The following PHACTR4 variants were observed in gnomAD, a reference collection of about 807,000 sequenced individuals.
PHACTR4 encodes protein phosphatase 1, regulatory subunit 124.
A neutral mutation model predicts 72.7 loss-of-function variants in PHACTR4; 51 were observed. The observed-to-expected ratio is 0.70, with a 90% CI of 0.56 to 0.89. PHACTR4 has a LOEUF of 0.89. PHACTR4 is among the 40% of genes least tolerant of loss of function. The probability of loss-of-function intolerance (pLI) is 0.00; values close to 1 mark genes in which losing one functional copy is unlikely to be tolerated. For synonymous variants in PHACTR4, 255 were observed against 302.5 expected (o/e 0.84, Z 1.63); for missense variants, 731 against 861.8 (o/e 0.85, Z 1.90).
chr1:28,398,905 T>C (rs79647690), intron 1 of PHACTR4, among the ~76,000 whole-genome samples: 1 of 152,302 alleles, frequency 6.6e-6, no homozygotes, highest in Non-Finnish European at 1.5e-5. Flanking sequence ...ATCTCAAATA[T>C]GTATGTTTTG....
intron 9 of PHACTR4, among the ~76,000 whole-genome samples, chr1:28,486,217 GTGGTAGCACA>G (rs1328911373): frequency 6.6e-6 from 1 of 151,962 alleles, no homozygotes; most frequent in East Asian, 1.9e-4. Flanking sequence ...TTAGCTGGGC[GTGGTAGCACA>G]TGCCTGTAAT....
chr1:28,489,345 G>T, intron 10 of PHACTR4, 120 bp downstream of exon 10: 1 of 758,946 alleles, frequency 1.3e-6, no homozygotes, highest in Non-Finnish European at 2.1e-6. Flanking sequence ...TTCCAGCCAG[G>T]CAAGGACTAT....
chr1:28,402,706 TTCTG>T (rs1654030131), intron 1 of PHACTR4, among the ~76,000 whole-genome samples: 1 of 152,164 alleles, frequency 6.6e-6, no homozygotes, highest in African/African-American at 2.4e-5. Flanking sequence ...ATAGGAATAT[TTCTG>T]TCTTGCACAG....
At chr1:28,378,913 A>G (rs931946872) in intron 1 of PHACTR4, among the ~76,000 whole-genome samples, 1 of 152,182 alleles carries the variant, frequency 6.6e-6, no homozygotes. Context: ...GTTATTACCC[A>G]GGCACTGATC....
At chr1:28,453,853 G>A (rs997053252) in intron 2 of PHACTR4, 3 of 881,562 alleles carry the variant, frequency 3.4e-6, no homozygotes, top group Non-Finnish European at 3.7e-6. Context: ...TGTGGACAAA[G>A]CATAAAAGTT....
rs1034052646 is a variant in PHACTR4, at chr1:28,372,546, T to C, written c.-39+2721T>C. On this transcript the variant is annotated intron_variant, in intron 1 of 13. Transcript: ENST00000373839. ...ATAGTTTGAAGAAGCAACCACAGAA[T>C]TGCTCTAGTTTTAATAATAAACTGG... Among the ~76,000 whole-genome samples, 87 of 152,156 alleles carry C rather than the reference T, an allele frequency of 5.7e-4. 2 individuals are homozygous for C. Among genetic ancestry groups the C allele is most frequent in the Non-Finnish European group, 1.1e-3 (78 of 68,002 alleles).
At chr1:28,473,275 CAA>C (rs759485996) in intron 6 of PHACTR4, among the ~76,000 whole-genome samples, 70 of 82,254 alleles carry the variant, frequency 8.5e-4, no homozygotes, top group African/African-American at 7.5e-4. Flanking sequence ...GACCCTGTCT[CAA>C]AAAAAAAAAA....
intron 2 of PHACTR4, among the ~76,000 whole-genome samples, chr1:28,422,935 T>C (rs1033253292): frequency 3.3e-5 from 5 of 152,166 alleles, no homozygotes; most frequent in Admixed American, 1.3e-4. Context: ...TACCGGCGCA[T>C]GCCACTGCGC....
At position 28,434,849 on chromosome 1, in the gene PHACTR4, C is replaced by T. The variant is rs148016070; in HGVS notation, c.17-24236C>T. ...GCCTGGCCTTTTACATTTGGCAGGTCGTTTTTATTTTGGCATTTAAATTTG... is the reference window on the plus strand; with the variant it reads ...GCCTGGCCTTTTACATTTGGCAGGTTGTTTTTATTTTGGCATTTAAATTTG... On this transcript the variant is annotated intron_variant, in intron 2 of 13. Coordinates refer to ENST00000373839, the MANE Select transcript of PHACTR4 (RefSeq NM_001048183.3). 2.4e-4 allele frequency among the ~76,000 whole-genome samples: 37 copies of T among 152,180 alleles called. No individual in the cohort carries two copies. In the East Asian group the frequency reaches 4.6e-3, roughly 19 times the overall value.
chr1:28,432,576 C>T (rs1340202154), intron 2 of PHACTR4, among the ~76,000 whole-genome samples: 5 of 151,232 alleles, frequency 3.3e-5, no homozygotes, highest in Non-Finnish European at 7.4e-5. Context: ...GCCAGGAGTT[C>T]CAGTGAGCTA....
At chr1:28,403,522 T>C (rs1456591381) in intron 1 of PHACTR4, among the ~76,000 whole-genome samples, 1 of 152,176 alleles carries the variant, frequency 6.6e-6, no homozygotes, top group Admixed American at 6.6e-5. Context: ...TACCACAGTA[T>C]ACCCTTGTGT....
chr1:28,410,409 G>A (rs1229852891), intron 2 of PHACTR4, among the ~76,000 whole-genome samples: 1 of 152,138 alleles, frequency 6.6e-6, no homozygotes, highest in African/African-American at 2.4e-5. Flanking sequence ...AACTCCGTAG[G>A]TTTGTACTGG....
chr1:28,399,970 A>C (rs1653819093), intron 1 of PHACTR4, among the ~76,000 whole-genome samples: 1 of 152,234 alleles, frequency 6.6e-6, no homozygotes. Flanking sequence ...TGTTACAGAA[A>C]CAATAGTAAG....
intron 10 of PHACTR4, among the ~76,000 whole-genome samples, chr1:28,490,541 A>AC (rs1660966479): frequency 6.6e-6 from 1 of 151,794 alleles, no homozygotes; most frequent in South Asian, 2.1e-4. Flanking sequence ...CAAAAAAAAA[A>AC]AAGAAAAAAA....
At chr1:28,484,559 A>G (rs1224493699) in intron 9 of PHACTR4, among the ~76,000 whole-genome samples, 1 of 151,096 alleles carries the variant, frequency 6.6e-6, no homozygotes, top group Non-Finnish European at 1.5e-5. Context: ...TGTGTATGTA[A>G]TATATATGTG....
At chr1:28,401,042 G>T (rs560352388) in intron 1 of PHACTR4, among the ~76,000 whole-genome samples, 38 of 152,226 alleles carry the variant, frequency 2.5e-4, no homozygotes, top group Admixed American at 1.6e-3. Flanking sequence ...TGAGCCAACT[G>T]TTCAGAACTC....
chr1:28,443,784 A>G (rs1657224237), intron 2 of PHACTR4, among the ~76,000 whole-genome samples: 3 of 152,030 alleles, frequency 2.0e-5, no homozygotes, highest in Admixed American at 2.0e-4. Context: ...ATAGTATTCC[A>G]TTTTGTATAT....
chr1:28,419,254 G>T (rs184505573), intron 2 of PHACTR4, among the ~76,000 whole-genome samples: 13 of 151,708 alleles, frequency 8.6e-5, no homozygotes, highest in Admixed American at 6.6e-4. Context: ...AGAGTGCCAG[G>T]ATTACAGGCG....
chr1:28,452,184 T>G (rs1164872756), intron 2 of PHACTR4, among the ~76,000 whole-genome samples: 1 of 152,002 alleles, frequency 6.6e-6, no homozygotes, highest in African/African-American at 2.4e-5. Flanking sequence ...ACAGATTGTT[T>G]GGAGATTTAC....
Sources: allele counts gnomAD v4.1 joint callset (sites outside exome capture counted in the v4.1 genomes callset), GRCh38; gene constraint gnomAD v4.1.1; transcripts MANE v1.5; gene names NCBI Gene and HGNC (gene_info 2026-07-23, HGNC 2026-07-21).